TPTE: variants seen among roughly 807,000 people sequenced by gnomAD.
TPTE encodes the protein putative tyrosine-protein phosphatase TPTE.
In TPTE, 59 loss-of-function variants were observed where a neutral mutation model predicts 84.1. The ratio of observed to expected loss-of-function variants is 0.70; its 90% CI spans 0.57 to 0.87. TPTE has a LOEUF of 0.87. Among genes scored for constraint, TPTE ranks in the 40% least tolerant of loss-of-function variants. The pLI is 0.00. For missense variants in TPTE, 382 were observed against 659.6 expected, an observed-to-expected ratio of 0.58 and a Z score of 4.61; for synonymous variants, 130 against 223.5, an observed-to-expected ratio of 0.58 and a Z score of 3.73.
intron 4 of TPTE, among the ~76,000 whole-genome samples, chr21:10,540,093 T>C (rs1320880972): frequency 6.6e-6 from 1 of 152,308 alleles, no homozygotes; most frequent in Non-Finnish European, 1.5e-5. Flanking sequence ...AAACCTTAAG[T>C]CTAGGAAGTT....
chr21:10,559,779 C>T (rs1281089881), intron 9 of TPTE, among the ~76,000 whole-genome samples: 1 of 151,528 alleles, frequency 6.6e-6, no homozygotes, highest in Non-Finnish European at 1.5e-5. Flanking sequence ...GAGGCTGAGG[C>T]AGAAGAATCG....
At chr21:10,577,052 T>C (rs1232027578) in intron 14 of TPTE, among the ~76,000 whole-genome samples, 1 of 152,270 alleles carries the variant, frequency 6.6e-6, no homozygotes, top group Non-Finnish European at 1.5e-5. Context: ...ACATAGTGCT[T>C]AGATAGACTG....
rs865811831 is a variant in TPTE, at chr21:10,605,642, C to G, written c.*90C>G. 6 of 1,583,848 alleles carry G rather than the reference C, an allele frequency of 3.8e-6. No homozygotes were observed. The highest frequency in any genetic ancestry group is 5.1e-6 in the Non-Finnish European group (6 of 1,168,716). The stretch of plus-strand genomic sequence containing the variant: ...ATATCCTAAATCTATCCTAAATGTT[C>G]CTTGAAGTATTTATTTATGTTTATA... On this transcript the variant is annotated 3_prime_UTR_variant, in exon 24 of 24. Transcript: ENST00000618007.
chr21:10,585,881 C>T (rs1258347032), intron 17 of TPTE, among the ~76,000 whole-genome samples: 102 of 152,138 alleles, frequency 6.7e-4, no homozygotes, highest in African/African-American at 2.2e-3. Flanking sequence ...TCAAATTGTT[C>T]ACAATATCAT....
chr21:10,526,790 G>A (rs1039128460), intron 2 of TPTE, among the ~76,000 whole-genome samples: 1 of 152,302 alleles, frequency 6.6e-6, no homozygotes, highest in Non-Finnish European at 1.5e-5. Context: ...ATTCAGCATG[G>A]TTTTATGAAG....
intron 7 of TPTE, among the ~76,000 whole-genome samples, chr21:10,546,101 A>AT (rs1259405054): frequency 6.6e-6 from 1 of 152,424 alleles, no homozygotes; most frequent in East Asian, 1.9e-4. Flanking sequence ...GCAACCCTAC[A>AT]TTGAGCAAGT....
chr21:10,562,898 C>T (rs2047203410), intron 10 of TPTE, among the ~76,000 whole-genome samples: 1 of 152,304 alleles, frequency 6.6e-6, no homozygotes, highest in Non-Finnish European at 1.5e-5. Flanking sequence ...TATCCAAGTA[C>T]AAGAAAGTTA....
intron 7 of TPTE, among the ~76,000 whole-genome samples, chr21:10,544,036 C>G (rs973709011): frequency 3.9e-5 from 6 of 152,298 alleles, no homozygotes; most frequent in Non-Finnish European, 8.8e-5. Context: ...GCAGGAGAGA[C>G]TAGCATGATC....
At chr21:10,592,262 A>C in intron 18 of TPTE, 31 bp from the exon 19 acceptor site, 1 of 1,612,208 alleles carries the variant, frequency 6.2e-7, no homozygotes, top group Non-Finnish European at 8.5e-7. Flanking sequence ...AGTGCAGATG[A>C]ACCATGGTTG....
At chr21:10,599,578 A>G (rs562565178) in intron 21 of TPTE, among the ~76,000 whole-genome samples, 75 of 152,276 alleles carry the variant, frequency 4.9e-4, no homozygotes, top group African/African-American at 1.8e-3. Flanking sequence ...AAATCACTAA[A>G]TAAGTGTTAT....
intron 21 of TPTE, among the ~76,000 whole-genome samples, chr21:10,598,854 T>C (rs1351480703): frequency 6.6e-6 from 1 of 152,422 alleles, no homozygotes; most frequent in African/African-American, 2.4e-5. Flanking sequence ...TTCCCTGCCA[T>C]GCCCTCCCTA....
chr21:10,541,843 A>T (rs1293267086), intron 5 of TPTE, among the ~76,000 whole-genome samples: 2 of 152,424 alleles, frequency 1.3e-5, no homozygotes, highest in African/African-American at 4.8e-5. Context: ...TGAAGCCTTC[A>T]GCAGAAAGCA....
At chr21:10,545,461 C>G (rs1185390362) in intron 7 of TPTE, among the ~76,000 whole-genome samples, 2 of 152,424 alleles carry the variant, frequency 1.3e-5, no homozygotes, top group East Asian at 3.9e-4. Flanking sequence ...AAGTATGTCT[C>G]TGAAGTCACT....
chr21:10,525,023 C>T (rs1173369418), intron 2 of TPTE, among the ~76,000 whole-genome samples: 10 of 152,304 alleles, frequency 6.6e-5, no homozygotes, highest in Non-Finnish European at 1.3e-4. Context: ...TTTAATCTTT[C>T]CTACAGGGGC....
At chr21:10,584,539 A>G (rs1162260340) in intron 17 of TPTE, among the ~76,000 whole-genome samples, 2 of 152,302 alleles carry the variant, frequency 1.3e-5, no homozygotes, top group African/African-American at 2.4e-5. Context: ...GGGTTTCGCT[A>G]TGTTGCCCAG....
At chr21:10,574,690 G>T (rs1384691877) in intron 14 of TPTE, among the ~76,000 whole-genome samples, 261 of 151,552 alleles carry the variant, frequency 1.7e-3, no homozygotes, top group Admixed American at 6.2e-3. Context: ...GGGGCGGCAT[G>T]GAGCCAAAGG....
chr21:10,554,688 C>T (rs1442545438), intron 8 of TPTE, among the ~76,000 whole-genome samples: 1 of 152,306 alleles, frequency 6.6e-6, no homozygotes, highest in African/African-American at 2.4e-5. Flanking sequence ...TGTGATTTTG[C>T]CTTTAATGTT....
chr21:10,546,146 CTT>C, intron 7 of TPTE, among the ~76,000 whole-genome samples: 1 of 152,310 alleles, frequency 6.6e-6, no homozygotes, highest in Non-Finnish European at 1.5e-5. Context: ...CGTGTTCTCA[CTT>C]TGTGTCTCTT....
At chr21:10,524,146 A>C (rs1433061836) in intron 1 of TPTE, among the ~76,000 whole-genome samples, 1 of 152,304 alleles carries the variant, frequency 6.6e-6, no homozygotes, top group Non-Finnish European at 1.5e-5. Flanking sequence ...ATAGGAGGTA[A>C]AGACCTAGAG....
Sources: allele counts gnomAD v4.1 joint callset (sites outside exome capture counted in the v4.1 genomes callset), GRCh38; gene constraint gnomAD v4.1.1; transcripts MANE v1.5; gene names NCBI Gene and HGNC (gene_info 2026-07-23, HGNC 2026-07-21).